The following FNBP4 variants were observed in gnomAD, a reference collection of about 807,000 sequenced individuals.
FNBP4 encodes formin-binding protein 4.
FNBP4 carries 34 observed loss-of-function variants against 119.3 expected under a neutral mutation model. The observed-to-expected ratio is 0.28, with a 90% CI of 0.22 to 0.38. The LOEUF is 0.38. FNBP4 is among the 10% of genes least tolerant of loss of function. FNBP4 has a pLI of 1.00. For missense variants in FNBP4, 1,112 were observed against 1,228.9 expected (o/e 0.90, Z 1.42); for synonymous variants, 462 against 430.6 (o/e 1.07, Z -0.90).
Position 47,750,963 on chromosome 11 carries a change from A to G in FNBP4, c.859T>C (p.Ser287Pro). ...ATGACTGGTCCACTTTTACTACTGGAAACAGAAATCGTTTTCTCCTTAGAA... is the reference window on the plus strand; with the variant it reads ...ATGACTGGTCCACTTTTACTACTGGGAACAGAAATCGTTTTCTCCTTAGAA... ...IYSKEKTISV[S>P]SSKSGPVIAK... The change falls in exon 6 of 17, where the codon TCC becomes CCC. Residue 287 changes from serine (S) to proline (P), a missense_variant. Ser to Pro is a moderately conservative substitution (Grantham distance 74, BLOSUM62 -1). Transcript: ENST00000263773. The G allele has an allele frequency of 6.2e-7, 1 of 1,614,088 alleles. No homozygotes were observed. The highest frequency in any genetic ancestry group is 8.5e-7 in the Non-Finnish European group (1 of 1,180,010).
At chr11:47,729,269 C>A (rs2097564773) in intron 12 of FNBP4, 2 of 985,304 alleles carry the variant, frequency 2.0e-6, no homozygotes, top group South Asian at 4.7e-5. Context: ...AGAAATTATA[C>A]AAATTGTTCC....
chr11:47,746,168 T>C lies in FNBP4; in HGVS notation c.1133A>G (p.Asn378Ser). The change falls in exon 7 of 17, where the codon AAT becomes AGT. Residue 378 changes from asparagine (N) to serine (S), a missense_variant. By Grantham distance (46) the Asn-to-Ser change is conservative. Transcript: ENST00000263773. ...IVKPQEIMLD[N>S]IEDPSQEDLC... ...ATCCTCCTGAGAAGGGTCTTCTATA[T>C]TGTCCAACATAATTTCCTGTGGCTT... 6.2e-7 allele frequency: 1 copy of C among 1,614,232 alleles called. No homozygotes were observed. Among genetic ancestry groups the C allele is most frequent in the Non-Finnish European group, 8.5e-7 (1 of 1,180,034 alleles).
At chr11:47,754,775 C>G in intron 2 of FNBP4, 111 bp from the exon 3 acceptor site, 1 of 1,145,252 alleles carries the variant, frequency 8.7e-7, no homozygotes, top group Non-Finnish European at 1.2e-6. Flanking sequence ...CAGATTAGAA[C>G]ATAACCGCAA....
chr11:47,753,124 A>T (rs765387502), intron 3 of FNBP4, 22 bp from the exon 4 acceptor site: 9 of 1,559,564 alleles, frequency 5.8e-6, no homozygotes, highest in Non-Finnish European at 7.8e-6. Context: ...AAAGAGTAAC[A>T]AATGCAGTAA....
intron 6 of FNBP4, 116 bp from the exon 7 acceptor site, chr11:47,746,510 T>A: frequency 3.2e-6 from 3 of 933,018 alleles, no homozygotes; most frequent in Non-Finnish European, 4.7e-6. Context: ...ATACTCAAGG[T>A]AAAAACGACT....
chr11:47,753,723 G>GT (rs1298809009), intron 3 of FNBP4, among the ~76,000 whole-genome samples: 1 of 151,986 alleles, frequency 6.6e-6, no homozygotes, highest in Non-Finnish European at 1.5e-5. Context: ...TTGAACCTGG[G>GT]TGGCAGAGGT....
Position 47,731,466 on chromosome 11 carries a change from T to G in FNBP4, c.1916A>C (p.Gln639Pro), listed in dbSNP as rs1408120604. ...GEEEEEESQA[Q>P]ENRDETLAKQ... is the part of the protein sequence containing the mutation. ...GGCAAGAGTCTCATCTCTATTTTCT[T>G]GTGCTTGGCTTTCTTCTTCTTCCTC... Residue 639 changes from glutamine (Q) to proline (P), a missense_variant, in exon 12 of 17, where the codon CAA becomes CCA. By Grantham distance (76) the Gln-to-Pro change is moderately conservative (BLOSUM62 -1). Transcript: ENST00000263773. The G allele has an allele frequency of 3.7e-6, 6 of 1,614,144 alleles. No homozygotes were observed. In the East Asian group the frequency reaches 1.3e-4, roughly 36 times the overall value.
intron 7 of FNBP4, among the ~76,000 whole-genome samples, chr11:47,744,390 C>T (rs545149875): frequency 6.6e-6 from 1 of 151,730 alleles, no homozygotes; most frequent in Non-Finnish European, 1.5e-5. Flanking sequence ...CCTCCCACCT[C>T]ACCCTTCCAA....
chr11:47,734,985 C>A (rs139159730), intron 9 of FNBP4, among the ~76,000 whole-genome samples: 4 of 111,642 alleles, frequency 3.6e-5, no homozygotes, highest in Admixed American at 9.4e-5. Context: ...AACACCCCCC[C>A]CCCCAAAAAA....
chr11:47,763,445 G>A (rs893142017), intron 2 of FNBP4, among the ~76,000 whole-genome samples: 3 of 145,646 alleles, frequency 2.1e-5, no homozygotes, highest in Non-Finnish European at 4.5e-5. Context: ...AAAAAGATTT[G>A]TTGCTACTTA....
intron 6 of FNBP4, 141 bp downstream of exon 6, chr11:47,750,775 C>CA: frequency 1.3e-6 from 1 of 748,804 alleles, no homozygotes; most frequent in South Asian, 2.3e-5. Context: ...ACATAATACA[C>CA]AGAAACAAAG....
At chr11:47,720,900 C>T (rs565371961) in intron 15 of FNBP4, among the ~76,000 whole-genome samples, 93 of 150,806 alleles carry the variant, frequency 6.2e-4, no homozygotes, top group South Asian at 1.3e-3. Flanking sequence ...GCAGGAGAAT[C>T]GCTTCAACCC....
intron 12 of FNBP4, chr11:47,729,630 C>T: frequency 3.2e-6 from 3 of 951,680 alleles, no homozygotes; most frequent in Non-Finnish European, 3.8e-6. Flanking sequence ...CCACCTCAAC[C>T]TCCCAAACAG....
intron 3 of FNBP4, 119 bp from the exon 4 acceptor site, chr11:47,753,221 T>C (rs1168023451): frequency 5.8e-6 from 4 of 691,768 alleles, no homozygotes; most frequent in Non-Finnish European, 6.9e-6. Flanking sequence ...ACACCTACAG[T>C]TCCAGCACTT....
Position 47,754,598 on chromosome 11 carries a change from A to C in FNBP4, c.380T>G (p.Leu127Arg). 6.2e-7 allele frequency: 1 copy of C among 1,614,186 alleles called. No individual in the cohort carries two copies. Among genetic ancestry groups the C allele is most frequent in the Non-Finnish European group, 8.5e-7 (1 of 1,180,030 alleles). ...DDDDNDVSEK[L>R]AQSKETNGNQ... The stretch of plus-strand genomic sequence containing the variant: ...TCCATTTGTCTCTTTGGATTGTGCT[A>C]GTTTTTCGGAAACATCATTGTCATC... The change falls in exon 3 of 17, where the codon CTA becomes CGA. Residue 127 changes from leucine (L) to arginine (R), a missense_variant. By Grantham distance (102) the Leu-to-Arg change is moderately radical (BLOSUM62 -2). Coordinates refer to ENST00000263773, the MANE Select transcript of FNBP4 (RefSeq NM_015308.5).
At chr11:47,729,182 C>A in intron 12 of FNBP4, 1 of 985,320 alleles carries the variant, frequency 1.0e-6, no homozygotes, top group South Asian at 4.7e-5. Context: ...TATAGAAAGC[C>A]TTCCTTAATT....
intron 9 of FNBP4, among the ~76,000 whole-genome samples, chr11:47,734,411 G>A (rs2097571199): frequency 6.6e-6 from 1 of 151,994 alleles, no homozygotes; most frequent in Non-Finnish European, 1.5e-5. Context: ...TCAGACAAAG[G>A]TCTTGCTATT....
chr11:47,739,717 G>A (rs1036037558), intron 8 of FNBP4, among the ~76,000 whole-genome samples: 1 of 152,198 alleles, frequency 6.6e-6, no homozygotes, highest in African/African-American at 2.4e-5. Flanking sequence ...TTGAGCCCAT[G>A]AATTCAAAGC....
intron 3 of FNBP4, among the ~76,000 whole-genome samples, chr11:47,753,446 A>G (rs933765796): frequency 4.6e-5 from 7 of 152,148 alleles, no homozygotes; most frequent in Non-Finnish European, 1.0e-4. Context: ...ACTTGTCTCT[A>G]CTAAAAATAC....
Sources: allele counts gnomAD v4.1 joint callset (sites outside exome capture counted in the v4.1 genomes callset), GRCh38; gene constraint gnomAD v4.1.1; transcripts MANE v1.5; gene names NCBI Gene and HGNC (gene_info 2026-07-23, HGNC 2026-07-21).